Variants in WSB1 observed in about 807,000 individuals in gnomAD.
WSB1 encodes WD repeat and SOCS box-containing protein 1.
WSB1 carries 23 observed loss-of-function variants against 50.2 expected under a neutral mutation model. That is an observed-to-expected ratio of 0.46 (90% confidence interval 0.33 to 0.65). The LOEUF (loss-of-function observed/expected upper bound fraction) is 0.65, where lower values mean the gene tolerates loss of function less well. Ranked by LOEUF, WSB1 falls within the 30% of genes least tolerant of loss-of-function variation. The pLI, the probability that WSB1 is intolerant of heterozygous loss-of-function variation, is 0.02. For missense variants in WSB1, 492 were observed against 522.3 expected (o/e 0.94, Z 0.56); for synonymous variants, 179 against 172.0 (o/e 1.04, Z -0.32).
intron 5 of WSB1, 40 bp from the exon 6 acceptor site, chr17:27,309,056 CTGTA>C (rs1555550914): frequency 5.8e-6 from 9 of 1,547,044 alleles, no homozygotes; most frequent in African/African-American, 1.4e-5. Flanking sequence ...ATTTTGTCCT[CTGTA>C]TGTCTGAATG....
At chr17:27,296,326 A>G (rs1177772304) in intron 1 of WSB1, among the ~76,000 whole-genome samples, 1 of 151,782 alleles carries the variant, frequency 6.6e-6, no homozygotes, top group Non-Finnish European at 1.5e-5. Flanking sequence ...CCAGATATCT[A>G]GAAGAACTTT....
intron 1 of WSB1, among the ~76,000 whole-genome samples, chr17:27,294,844 G>T (rs1202620614): frequency 1.3e-5 from 2 of 152,222 alleles, no homozygotes; most frequent in African/African-American, 2.4e-5. Context: ...GGGGGTCCTC[G>T]TGTGTACCAA....
chr17:27,294,320 GC>G lies in WSB1; in HGVS notation c.-72del. The G allele has an allele frequency of 6.3e-7, 1 of 1,576,388 alleles. No homozygotes were observed. The highest frequency in any genetic ancestry group is 8.7e-7 in the Non-Finnish European group (1 of 1,153,728). ...CCGGGAGGGACCAACTTGGCGTCAC[GC>G]CCCTCAGCGGTCGCCACTCTCTTCT... On this transcript the variant is annotated 5_prime_UTR_variant, in exon 1 of 9. Coordinates refer to ENST00000262394, the MANE Select transcript of WSB1 (RefSeq NM_015626.10).
chr17:27,298,102 G>T (rs1196873003), intron 1 of WSB1, among the ~76,000 whole-genome samples: 4 of 142,274 alleles, frequency 2.8e-5, no homozygotes, highest in Admixed American at 7.2e-5. Context: ...TCCAGCCTGG[G>T]CAACAGAGCA....
chr17:27,312,413 TAACAC>T lies in WSB1; in HGVS notation c.*47_*51del, dbSNP rs777196772. 1.4e-5 allele frequency: 23 copies of T among 1,593,140 alleles called. No individual in the cohort carries two copies. The highest frequency in any genetic ancestry group is 3.8e-5 in the Admixed American group (2 of 52,236). On this transcript the variant is annotated 3_prime_UTR_variant, in exon 9 of 9. Coordinates refer to ENST00000262394, the MANE Select transcript of WSB1 (RefSeq NM_015626.10). The stretch of plus-strand genomic sequence containing the variant: ...GTAGTAGGGACTGACAGAATACACT[TAACAC>T]AAACCTCAAGCTTTACTGACTTCAA...
rs1175921344 is a variant in WSB1 at position 27,301,892 on chromosome 17, T to C, written c.145T>C (p.Phe49Leu). The part of the protein sequence containing the change: ...TVAFAPDGSY[F>L]AWSQGHRTVK... ...TGCTTTTGCTCCAGATGGTTCATAC[T>C]TTGCTTGGTCACAAGGACATCGCAC... Residue 49 changes from phenylalanine (F) to leucine (L), a missense_variant, in exon 2 of 9, where the codon TTT becomes CTT. Phe to Leu is a conservative substitution (Grantham distance 22). Coordinates refer to ENST00000262394, the MANE Select transcript of WSB1 (RefSeq NM_015626.10). The C allele has an allele frequency of 6.2e-7, 1 of 1,613,714 alleles. No homozygotes were observed. Among genetic ancestry groups the C allele is most frequent in the Non-Finnish European group, 8.5e-7 (1 of 1,179,840 alleles).
intron 4 of WSB1, 22 bp downstream of exon 4, chr17:27,304,933 T>A: frequency 1.2e-6 from 2 of 1,613,056 alleles, no homozygotes; most frequent in Non-Finnish European, 8.5e-7. Flanking sequence ...TTCCAAGCTA[T>A]GAACTAGGAT....
Position 27,309,130 on chromosome 17 carries a change from A to G in WSB1, c.742A>G (p.Met248Val), listed in dbSNP as rs766761433. 4 of 1,611,442 alleles carry G rather than the reference A, an allele frequency of 2.5e-6. No homozygotes were observed. Among genetic ancestry groups the G allele is most frequent in the Non-Finnish European group, 3.4e-6 (4 of 1,178,722 alleles). Residue 248 changes from methionine (M) to valine (V), a missense_variant, in exon 6 of 9, where the codon ATG (methionine) becomes GTG (valine). By Grantham distance (21) the Met-to-Val change is conservative. Transcript: ENST00000262394. ...VFLWNMDKYTMIRKLEGHHHD... is the reference protein window; with the variant it reads ...VFLWNMDKYTVIRKLEGHHHD... ...CCTTTGGAATATGGATAAATACACCATGATACGGAAACTAGAAGGACATCA... is the reference window on the plus strand; with the variant it reads ...CCTTTGGAATATGGATAAATACACCGTGATACGGAAACTAGAAGGACATCA...
At chr17:27,298,435 A>T (rs1243054992) in intron 1 of WSB1, among the ~76,000 whole-genome samples, 1 of 152,198 alleles carries the variant, frequency 6.6e-6, no homozygotes, top group Non-Finnish European at 1.5e-5. Context: ...GTTAAAAAAA[A>T]AGTGTGCCTG....
chr17:27,302,808 A>G (rs1434347285), intron 2 of WSB1: 2 of 152,044 alleles, frequency 1.3e-5, no homozygotes, highest in Non-Finnish European at 2.9e-5. Flanking sequence ...ATGTTTGTTG[A>G]AAGTTTTTCT....
chr17:27,309,336 T>C (rs2017578915), intron 6 of WSB1, 64 bp downstream of exon 6: 1 of 1,306,516 alleles, frequency 7.7e-7, no homozygotes, highest in African/African-American at 1.5e-5. Context: ...ATGTGAATAA[T>C]TACAATCACC....
chr17:27,302,602 G>A (rs2017281660), intron 2 of WSB1: 1 of 151,806 alleles, frequency 6.6e-6, no homozygotes. Context: ...CTGGTGCATA[G>A]TAGTAGAGAC....
In WSB1 at chr17:27,294,140, A is replaced by G. The variant is rs560015800; in HGVS notation, c.-256A>G. On this transcript the variant is annotated 5_prime_UTR_variant, in exon 1 of 9. Coordinates refer to ENST00000262394, the MANE Select transcript of WSB1 (RefSeq NM_015626.10). ...GTGTCTCGTTTGCAGTCGGCGCTTTAGGGGAACTGTCTTCCTCCGCAGGCG... is the reference window on the plus strand; with the variant it reads ...GTGTCTCGTTTGCAGTCGGCGCTTTGGGGGAACTGTCTTCCTCCGCAGGCG... 2.1e-5 allele frequency: 7 copies of G among 330,090 alleles called. No individual in the cohort carries two copies. The highest frequency in any genetic ancestry group is 1.4e-4 in the East Asian group (3 of 21,462). 20.4% of individuals were successfully genotyped at this position (330,090 alleles called of 1,614,324 possible).
intron 4 of WSB1, among the ~76,000 whole-genome samples, chr17:27,305,248 C>T (rs1334518060): frequency 1.3e-5 from 2 of 152,176 alleles, no homozygotes; most frequent in Admixed American, 6.5e-5. Flanking sequence ...GGGTTATTAA[C>T]TTACTGTATT....
chr17:27,310,991 G>T (rs144414128), intron 7 of WSB1, among the ~76,000 whole-genome samples: 2 of 152,012 alleles, frequency 1.3e-5, no homozygotes, highest in Non-Finnish European at 2.9e-5. Context: ...CACCACAGGG[G>T]TATACCACCA....
At chr17:27,298,126 G>GAAAAAAAAAAAAAAAAA (rs35222722) in intron 1 of WSB1, among the ~76,000 whole-genome samples, 1 of 74,220 alleles carries the variant, frequency 1.3e-5, no homozygotes, top group Non-Finnish European at 2.5e-5. Flanking sequence ...CTCCGTCTCA[G>GAAAAAAAAAAAAAAAAA]AAAAAAAAAA....
chr17:27,296,336 T>G (rs2016980245), intron 1 of WSB1, among the ~76,000 whole-genome samples: 1 of 152,194 alleles, frequency 6.6e-6, no homozygotes, highest in African/African-American at 2.4e-5. Context: ...AGAAGAACTT[T>G]TGCTTTTTCT....
Position 27,304,887 on chromosome 17 carries a change from A to G in WSB1, c.586A>G (p.Arg196Gly), listed in dbSNP as rs548387659. The G allele has an allele frequency of 1.2e-6, 2 of 1,613,920 alleles. No individual in the cohort carries two copies. The highest frequency in any genetic ancestry group is 2.7e-5 in the African/African-American group (2 of 74,908). The change falls in exon 4 of 9, where the codon AGA (arginine) becomes GGA (glycine). Residue 196 changes from arginine (R) to glycine (G), a missense_variant. Transcript: ENST00000262394. ...GTCAGCTTCAAGAGACAAAACTCTCAGAGTATGGGACCTGAAAGATGATGG... is the reference window on the plus strand; with the variant it reads ...GTCAGCTTCAAGAGACAAAACTCTCGGAGTATGGGACCTGAAAGATGATGG... ...LVSASRDKTL[R>G]VWDLKDDGNM...
At chr17:27,299,476 G>A (rs562411661) in intron 1 of WSB1, among the ~76,000 whole-genome samples, 8 of 152,312 alleles carry the variant, frequency 5.3e-5, no homozygotes, top group East Asian at 1.9e-4. Flanking sequence ...GTGCTACTGC[G>A]CTCCAGCCTG....
Sources: gnomAD v4.1 joint callset for allele counts (sites outside exome capture counted in the v4.1 genomes callset) on GRCh38, gnomAD v4.1.1 for gene constraint, MANE v1.5 for transcripts, NCBI Gene and HGNC (gene_info 2026-07-23, HGNC 2026-07-21) for gene names.